The following FER1L5 variants were observed in gnomAD, a reference collection of about 807,000 sequenced individuals.
FER1L5 encodes fer-1 like family member 5, also known as fer-1-like protein 5.
A neutral mutation model predicts 279.9 loss-of-function variants in FER1L5; 187 were observed. The ratio of observed to expected loss-of-function variants is 0.67; its 90% CI spans 0.59 to 0.75. The LOEUF (loss-of-function observed/expected upper bound fraction) is 0.75. Among genes scored for constraint, FER1L5 ranks in the 30% least tolerant of loss-of-function variants. The pLI is 0.00. For synonymous variants in FER1L5, 921 were observed against 989.7 expected, an observed-to-expected ratio of 0.93 and a Z score of 1.30; for missense variants, 2,091 against 2,594.4, an observed-to-expected ratio of 0.81 and a Z score of 4.21.
rs989509176 is a variant in FER1L5, at chr2:96,694,208, C to T, written c.3636+136C>T. 2.5e-5 allele frequency: 34 copies of T among 1,359,014 alleles called. No individual in the cohort carries two copies. Among genetic ancestry groups the T allele is most frequent in the South Asian group, 4.5e-5 (3 of 67,394 alleles). 84.2% of individuals were successfully genotyped at this position (1,359,014 alleles called of 1,614,324 possible). A position where few individuals can be genotyped will look rare whatever the true frequency, so the allele number is the denominator to read the frequency against. ...GGATCCCGAGCTGTGGGCTTGGTGA[C>T]GCTGGCCTGACCAGCCTCTCCCCTA... On this transcript the variant is annotated intron_variant, in intron 33 of 52. Transcript: ENST00000624922. The surrounding 1 kb of genome is among the most constrained non-coding windows in gnomAD (Gnocchi z 4.6).
At chr2:96,646,315 G>T in intron 1 of FER1L5, 86 bp from the exon 2 acceptor site, 1 of 1,437,320 alleles carries the variant, frequency 7.0e-7, no homozygotes, top group Non-Finnish European at 9.5e-7. Flanking sequence ...AGTTTTCTTA[G>T]AGTGTCCTAC....
intron 18 of FER1L5, among the ~76,000 whole-genome samples, chr2:96,671,122 A>G (rs2076313539): frequency 6.6e-6 from 1 of 150,412 alleles, no homozygotes; most frequent in African/African-American, 2.5e-5. Context: ...AAAAAAAAAA[A>G]AAAAAAGGAA....
At chr2:96,687,184 GC>G in intron 23 of FER1L5, among the ~76,000 whole-genome samples, 1 of 152,262 alleles carries the variant, frequency 6.6e-6, no homozygotes, top group South Asian at 2.1e-4. Flanking sequence ...GTGCCGCCTT[GC>G]CACCTGGCCC....
At chr2:96,685,521 C>G in intron 21 of FER1L5, 92 bp downstream of exon 21, 3 of 1,076,350 alleles carry the variant, frequency 2.8e-6, no homozygotes, top group East Asian at 2.6e-5. Context: ...ACACCTCCCC[C>G]CGCCCTCCTC....
In FER1L5 at chr2:96,704,229, C is replaced by G. The variant is rs745350415; in HGVS notation, c.5816C>G (p.Ser1939Cys). The change falls in exon 52 of 53, where the codon TCT becomes TGT. Residue 1939 changes from serine to cysteine, a missense_variant. Coordinates refer to ENST00000624922, the MANE Select transcript of FER1L5 (RefSeq NM_001293083.2). ...TLHPPLRTNT[S>C]FTWLRSPVQN... ...CTCCTGGACAGACGCACCAACACCT[C>G]TTTCACGTGGCTGCGGTCACCAGTT... is the stretch of plus-strand genomic sequence containing the variant. The G allele has an allele frequency of 6.2e-7, 1 of 1,613,994 alleles. No homozygotes were observed. The highest frequency in any genetic ancestry group is 1.1e-5 in the South Asian group (1 of 91,080).
chr2:96,691,364 G>C lies in FER1L5; in HGVS notation c.2907+11G>C. On this transcript the variant is annotated intron_variant, in intron 28 of 52. Coordinates refer to ENST00000624922, the MANE Select transcript of FER1L5 (RefSeq NM_001293083.2). The surrounding 1 kb of genome is among the most constrained non-coding windows in gnomAD (Gnocchi z 6.0). ...TCCTTCCTGCAGCTGGTGAGGGGTC[G>C]ACGGGCGCCCTGGCTGGGACTGCGG... The C allele has an allele frequency of 6.5e-7, 1 of 1,546,602 alleles. No homozygotes were observed. Among genetic ancestry groups the C allele is most frequent in the Non-Finnish European group, 8.7e-7 (1 of 1,143,966 alleles).
intron 37 of FER1L5, among the ~76,000 whole-genome samples, chr2:96,696,535 G>A (rs905441932): frequency 6.6e-6 from 1 of 151,834 alleles, no homozygotes; most frequent in African/African-American, 2.4e-5. Flanking sequence ...CTCAGGTGAT[G>A]CACCCGCCTC....
intron 3 of FER1L5, 67 bp downstream of exon 3, chr2:96,647,222 G>A (rs2075172569): frequency 2.7e-6 from 4 of 1,473,394 alleles, no homozygotes; most frequent in African/African-American, 1.4e-5. Context: ...TGTGATCCTT[G>A]TCTCTAATCC....
chr2:96,648,456 G>A (rs1261016290), intron 4 of FER1L5, among the ~76,000 whole-genome samples: 1 of 152,252 alleles, frequency 6.6e-6, no homozygotes, highest in East Asian at 1.9e-4. Context: ...GGCTGCAGAT[G>A]TGCCCTGATT....
At position 96,693,703 on chromosome 2, in the gene FER1L5, C is replaced by A; in HGVS notation, c.3474+16C>A. 2 of 1,548,708 alleles carry A rather than the reference C, an allele frequency of 1.3e-6. No individual in the cohort carries two copies. The highest frequency in any genetic ancestry group is 3.9e-5 in the Admixed American group (2 of 50,718). ...TGACTTCTGGGTAAGTTGGGCTGGG[C>A]AGAGCAAGGGGAAGAGGACCTACCT... On this transcript the variant is annotated intron_variant, in intron 32 of 52. Transcript: ENST00000624922.
Position 96,691,285 on chromosome 2 carries a change from G to A in FER1L5, c.2839G>A (p.Ala947Thr). 1.9e-6 allele frequency: 3 copies of A among 1,550,538 alleles called. No homozygotes were observed. Among genetic ancestry groups the A allele is most frequent in the South Asian group, 2.4e-5 (2 of 84,054 alleles). The change falls in exon 28 of 53, where the codon GCG becomes ACG. Residue 947 changes from alanine (A) to threonine (T), a missense_variant. Physicochemically the swap from Ala to Thr is moderately conservative, Grantham distance 58. Transcript: ENST00000624922. This position sits in a 1 kb window ranked among gnomAD's most constrained non-coding sequence, Gnocchi z 6.0. ...TYHSCRRRRW[A>T]RVRFRNHGEL... ...CCACTCGTGCCGCCGCCGGCGCTGG[G>A]CGCGTGTGCGCTTCAGGAACCATGG... is the stretch of plus-strand genomic sequence containing the variant.
intron 16 of FER1L5, 25 bp from the exon 17 acceptor site, chr2:96,669,018 C>T: frequency 6.4e-7 from 1 of 1,551,684 alleles, no homozygotes; most frequent in South Asian, 1.2e-5. Context: ...CTGCGCCCGA[C>T]CCTTCTCACT....
intron 9 of FER1L5, among the ~76,000 whole-genome samples, chr2:96,658,551 C>A (rs932273369): frequency 6.6e-6 from 1 of 151,214 alleles, no homozygotes; most frequent in African/African-American, 2.4e-5. Context: ...TGCACCCGGA[C>A]GTGTATGTTA....
rs2077488744 is a variant in FER1L5 at position 96,698,983 on chromosome 2, C to A, written c.4519-62C>A. 4 of 1,546,734 alleles carry A rather than the reference C, an allele frequency of 2.6e-6. No homozygotes were observed. The South Asian group carries it at 4.7e-5, about 18-fold the overall frequency. On this transcript the variant is annotated intron_variant, in intron 41 of 52. Coordinates refer to ENST00000624922, the MANE Select transcript of FER1L5 (RefSeq NM_001293083.2). The surrounding 1 kb of genome is among the most constrained non-coding windows in gnomAD (Gnocchi z 5.5). ...CTTGTTTCCACCCTCCTCCCACCCTCCCTGACAAACCTGGACGGCCTCCCC... is the reference window on the plus strand; with the variant it reads ...CTTGTTTCCACCCTCCTCCCACCCTACCTGACAAACCTGGACGGCCTCCCC...
intron 51 of FER1L5, among the ~76,000 whole-genome samples, 164 bp downstream of exon 51, chr2:96,703,796 A>G (rs1272345645): frequency 6.7e-6 from 1 of 148,808 alleles, no homozygotes; most frequent in East Asian, 2.0e-4. Flanking sequence ...GGGTTGGAGT[A>G]AGCAAAAGTT....
At position 96,670,859 on chromosome 2, in the gene FER1L5, C is replaced by G. The variant is rs893952475; in HGVS notation, c.1491+612C>G. Among the ~76,000 whole-genome samples, 8 of 151,898 alleles carry G rather than the reference C, an allele frequency of 5.3e-5. 1 individual carries two copies. The highest frequency in any genetic ancestry group is 1.9e-4 in the African/African-American group (8 of 41,330). On this transcript the variant is annotated intron_variant, in intron 18 of 52. Coordinates refer to ENST00000624922, the MANE Select transcript of FER1L5 (RefSeq NM_001293083.2). ...ATGACTCACACCTGTAATCCCAGCACTTTGGGAGGCTCAGGCGGGCAGATC... is the reference window on the plus strand; with the variant it reads ...ATGACTCACACCTGTAATCCCAGCAGTTTGGGAGGCTCAGGCGGGCAGATC...
chr2:96,696,113 T>C, intron 37 of FER1L5, 36 bp downstream of exon 37: 2 of 1,612,948 alleles, frequency 1.2e-6, no homozygotes, highest in Non-Finnish European at 1.7e-6. Context: ...TCTCCCATAC[T>C]GTTGACGGGG....
intron 38 of FER1L5, 22 bp from the exon 39 acceptor site, chr2:96,697,638 G>GA (rs768922194): frequency 3.7e-6 from 6 of 1,613,998 alleles, no homozygotes; most frequent in Non-Finnish European, 4.2e-6. Flanking sequence ...CCCGAGGCCA[G>GA]AATGATCCTC....
intron 14 of FER1L5, 52 bp downstream of exon 14, chr2:96,663,559 G>A (rs766403089): frequency 1.9e-6 from 3 of 1,540,388 alleles, no homozygotes; most frequent in Non-Finnish European, 2.6e-6. Flanking sequence ...TAACATAGAA[G>A]GGAAGTTTGG....
Sources: allele counts gnomAD v4.1 joint callset (sites outside exome capture counted in the v4.1 genomes callset), GRCh38; gene constraint gnomAD v4.1.1; non-coding constraint Gnocchi (gnomAD v3.1); transcripts MANE v1.5; gene names NCBI Gene and HGNC (gene_info 2026-07-23, HGNC 2026-07-21).